PARD3: variants seen among roughly 807,000 people sequenced by gnomAD.
The protein encoded by PARD3 is par-3 family cell polarity regulator.
PARD3 carries 75 observed loss-of-function variants against 155.4 expected under a neutral mutation model. The observed-to-expected ratio is 0.48, with a 90% CI of 0.40 to 0.58. The LOEUF (loss-of-function observed/expected upper bound fraction) is 0.58, where lower values mean the gene tolerates loss of function less well. Ranked by LOEUF, PARD3 falls within the 20% of genes least tolerant of loss-of-function variation. PARD3 has a pLI of 0.00. For missense variants in PARD3, 1,642 were observed against 1,721.7 expected (o/e 0.95, Z 0.82); for synonymous variants, 576 against 610.5 (o/e 0.94, Z 0.83).
chr10:34,201,436 T>C (rs1383395618), intron 22 of PARD3, among the ~76,000 whole-genome samples: 2 of 152,198 alleles, frequency 1.3e-5, no homozygotes, highest in Non-Finnish European at 2.9e-5. Context: ...AAAAAGTTTA[T>C]TTAAATAAAT....
At chr10:34,721,589 T>C (rs1039467012) in intron 1 of PARD3, among the ~76,000 whole-genome samples, 1 of 152,248 alleles carries the variant, frequency 6.6e-6, no homozygotes, top group Non-Finnish European at 1.5e-5. Context: ...GGGGCTCAAC[T>C]ACTTGCAGGG....
intron 1 of PARD3, among the ~76,000 whole-genome samples, chr10:34,702,346 G>A (rs539446069): frequency 1.3e-5 from 2 of 151,938 alleles, no homozygotes; most frequent in East Asian, 3.9e-4. Context: ...CAGTAAGACC[G>A]TGTCTCAGAA....
chr10:34,343,723 C>T, intron 15 of PARD3: 1 of 984,834 alleles, frequency 1.0e-6, no homozygotes, highest in African/African-American at 1.7e-5. Flanking sequence ...GTTGGTACAT[C>T]ATAAATGTGA....
chr10:34,620,049 G>A (rs997167673), intron 2 of PARD3, among the ~76,000 whole-genome samples: 6 of 152,124 alleles, frequency 3.9e-5, no homozygotes, highest in Non-Finnish European at 7.3e-5. Context: ...CCTCCTCAGA[G>A]ACCCCACTCT....
rs188379727 is a variant in PARD3, at chr10:34,424,382, C to G, written c.715-22465G>C. On this transcript the variant is annotated intron_variant, in intron 5 of 24. Transcript: ENST00000374788. ...TAGGCAACAAGATGTATTCGAGTAA[C>G]AGAAAACCGTTTAGGTAAGTAGAAA... is the stretch of plus-strand genomic sequence containing the variant. 2.0e-5 allele frequency among the ~76,000 whole-genome samples: 3 copies of G among 152,182 alleles called. No homozygotes were observed. The East Asian group carries it at 5.8e-4, about 29-fold the overall frequency.
chr10:34,528,997 G>A (rs2082658051), intron 2 of PARD3, among the ~76,000 whole-genome samples: 1 of 152,166 alleles, frequency 6.6e-6, no homozygotes, highest in Non-Finnish European at 1.5e-5. Context: ...TAGGTGTCTA[G>A]GTTTGTCATT....
intron 2 of PARD3, among the ~76,000 whole-genome samples, chr10:34,520,446 G>T (rs1262353415): frequency 6.6e-6 from 1 of 152,036 alleles, no homozygotes; most frequent in Non-Finnish European, 1.5e-5. Context: ...AAAAAAAAGG[G>T]AAAGGTATGC....
chr10:34,416,219 G>C (rs1168747019), intron 5 of PARD3, among the ~76,000 whole-genome samples: 1 of 152,114 alleles, frequency 6.6e-6, no homozygotes, highest in African/African-American at 2.4e-5. Context: ...GAGTTTACTG[G>C]GGAAGGTGTC....
chr10:34,223,369 G>A (rs1159443265), intron 22 of PARD3, among the ~76,000 whole-genome samples: 1 of 152,176 alleles, frequency 6.6e-6, no homozygotes, highest in Non-Finnish European at 1.5e-5. Flanking sequence ...ACATTTAACA[G>A]GATCCCAGAT....
chr10:34,681,754 ATATATATATATATATTTTTTTT>A (rs1251384922), intron 2 of PARD3, among the ~76,000 whole-genome samples: 25 of 18,974 alleles, frequency 1.3e-3, no homozygotes, highest in African/African-American at 3.3e-3. Flanking sequence ...ATATATATAT[ATATATATATATATATTTTTTTT>A]TTTTTTTTTT....
intron 8 of PARD3, 54 bp from the exon 9 acceptor site, chr10:34,382,976 A>G: frequency 6.4e-7 from 1 of 1,572,450 alleles, no homozygotes; most frequent in Non-Finnish European, 8.7e-7. Context: ...AGACTAGAAG[A>G]TATTATGAGC....
intron 5 of PARD3, among the ~76,000 whole-genome samples, chr10:34,416,095 C>T (rs772394910): frequency 2.0e-4 from 31 of 152,132 alleles, no homozygotes; most frequent in African/African-American, 9.7e-5. Context: ...ACGAAGTCTA[C>T]GTGTATGTAG....
intron 3 of PARD3, among the ~76,000 whole-genome samples, chr10:34,474,938 C>T (rs1262140317): frequency 2.0e-5 from 3 of 151,980 alleles, no homozygotes; most frequent in African/African-American, 7.3e-5. Context: ...AAGAGACATC[C>T]AAATTTCAGA....
chr10:34,112,844 T>A (rs1369900906), intron 24 of PARD3, among the ~76,000 whole-genome samples: 3 of 152,360 alleles, frequency 2.0e-5, no homozygotes, highest in African/African-American at 7.2e-5. Flanking sequence ...ATGTCCAGCA[T>A]CACCTCTGGC....
chr10:34,678,650 C>T (rs760545204), intron 2 of PARD3, among the ~76,000 whole-genome samples: 14 of 151,828 alleles, frequency 9.2e-5, no homozygotes, highest in Non-Finnish European at 1.9e-4. Flanking sequence ...TAAACATAAA[C>T]ACTAATAAAT....
At chr10:34,170,819 C>T (rs538549191) in intron 22 of PARD3, among the ~76,000 whole-genome samples, 1 of 152,310 alleles carries the variant, frequency 6.6e-6, no homozygotes, top group South Asian at 2.1e-4. Context: ...CTTCTACTGC[C>T]AAGGTTGCTT....
Position 34,332,865 on chromosome 10 carries a change from G to T in PARD3, c.2606-1521C>A, listed in dbSNP as rs144741203. ...GGCAGCACTACAATTTTTGACAACT[G>T]CATTTTCTAAATTACTCATAAAAGT... On this transcript the variant is annotated intron_variant, in intron 18 of 24. Coordinates refer to ENST00000374788, the MANE Select transcript of PARD3 (RefSeq NM_001184785.2). Among the ~76,000 whole-genome samples the T allele has an allele frequency of 3.0e-3, 457 of 152,028 alleles. 2 individuals carry two copies. The highest frequency in any genetic ancestry group is 0.01 in the African/African-American group (422 of 41,468).
intron 2 of PARD3, among the ~76,000 whole-genome samples, chr10:34,666,805 A>ATATATATG (rs1554804651): frequency 8.0e-4 from 81 of 101,700 alleles, no homozygotes; most frequent in African/African-American, 3.6e-3. Context: ...AAATATATAT[A>ATATATATG]TATATATATA....
At chr10:34,187,898 T>C (rs1196626776) in intron 22 of PARD3, among the ~76,000 whole-genome samples, 1 of 152,118 alleles carries the variant, frequency 6.6e-6, no homozygotes. Context: ...CTCTCTACCG[T>C]GGCGATGAAA....
Sources: allele counts gnomAD v4.1 joint callset (sites outside exome capture counted in the v4.1 genomes callset), GRCh38; gene constraint gnomAD v4.1.1; transcripts MANE v1.5; gene names NCBI Gene and HGNC (gene_info 2026-07-23, HGNC 2026-07-21).